Variants in DNAH8 observed in about 807,000 individuals in gnomAD.
The protein encoded by DNAH8 is dynein axonemal heavy chain 8, also known as axonemal beta dynein heavy chain 8.
DNAH8 carries 382 observed loss-of-function variants against 562.1 expected under a neutral mutation model. That is an observed-to-expected ratio of 0.68 (90% CI 0.63 to 0.74). DNAH8 has a LOEUF of 0.74. DNAH8 is among the 30% of genes least tolerant of loss of function. The pLI, the probability that DNAH8 is intolerant of heterozygous loss-of-function variation, is 0.00. For missense variants in DNAH8, 5,203 were observed against 5,620.4 expected (o/e 0.93, Z 2.37); for synonymous variants, 1,881 against 1,919.4 (o/e 0.98, Z 0.52).
In DNAH8 at chr6:39,030,200, G is replaced by A. The variant is rs1583598493; in HGVS notation, c.13932G>A (p.Thr4644=). 9 of 1,614,060 alleles carry A rather than the reference G, an allele frequency of 5.6e-6. No individual in the cohort carries two copies. In the East Asian group the frequency reaches 1.3e-4, roughly 24 times the overall value. ...LMESTPKVLF[T]QLPVLHIFAI... ...AATCCACCCCCAAGGTACTCTTCAC[G>A]CAGTTACCCGTGCTCCACATCTTTG... Residue 4644 remains threonine (T), a synonymous_variant, in exon 93 of 93, where the codon ACG becomes ACA. Coordinates refer to ENST00000327475, the MANE Select transcript of DNAH8 (RefSeq NM_001206927.2).
chr6:38,950,318 T>C (rs1172521665), intron 81 of DNAH8, among the ~76,000 whole-genome samples: 1 of 152,100 alleles, frequency 6.6e-6, no homozygotes, highest in East Asian at 1.9e-4. Context: ...CAATTTTTTC[T>C]TTTCTAATGT....
At chr6:38,998,505 A>G (rs1268969819) in intron 88 of DNAH8, among the ~76,000 whole-genome samples, 3 of 152,204 alleles carry the variant, frequency 2.0e-5, no homozygotes, top group East Asian at 3.8e-4. Context: ...ATTCATTTCA[A>G]TGCAATACAA....
chr6:38,902,770 C>A (rs968866156), intron 62 of DNAH8, among the ~76,000 whole-genome samples: 2 of 152,120 alleles, frequency 1.3e-5, no homozygotes, highest in African/African-American at 4.8e-5. Flanking sequence ...TTAAAGTATG[C>A]AGGATTGATA....
At chr6:38,720,639 A>G (rs778768974) in intron 1 of DNAH8, among the ~76,000 whole-genome samples, 21 of 152,270 alleles carry the variant, frequency 1.4e-4, no homozygotes, top group Non-Finnish European at 2.8e-4. Flanking sequence ...CCAGCCAGAC[A>G]GAGAAGACTG....
intron 82 of DNAH8, among the ~76,000 whole-genome samples, chr6:38,957,866 C>A (rs956503523): frequency 4.7e-3 from 356 of 75,556 alleles, no homozygotes; most frequent in East Asian, 7.7e-3. Flanking sequence ...ATGCCTACAC[C>A]AAAAAAAAAA....
intron 82 of DNAH8, among the ~76,000 whole-genome samples, chr6:38,968,502 G>A (rs1763125499): frequency 6.6e-6 from 1 of 152,120 alleles, no homozygotes; most frequent in African/African-American, 2.4e-5. Flanking sequence ...CAAGGAAGAT[G>A]TACAAATGGC....
At chr6:39,001,231 C>T (rs570006993) in intron 88 of DNAH8, among the ~76,000 whole-genome samples, 3 of 152,014 alleles carry the variant, frequency 2.0e-5, no homozygotes, top group African/African-American at 7.2e-5. Flanking sequence ...ACTCTACCTT[C>T]TACATGGCCA....
chr6:38,838,130 T>G (rs1298566600), intron 33 of DNAH8, 88 bp downstream of exon 33: 2 of 810,246 alleles, frequency 2.5e-6, no homozygotes, highest in Non-Finnish European at 4.0e-6. Flanking sequence ...TCCTTTATCA[T>G]GCAGAGGACA....
In DNAH8 at chr6:38,909,594, G is replaced by A. The variant is rs755880157; in HGVS notation, c.9590G>A (p.Arg3197His). The A allele has an allele frequency of 8.1e-6, 13 of 1,614,032 alleles. No homozygotes were observed. The East Asian group carries it at 8.9e-5, about 11-fold the overall frequency. Residue 3197 changes from arginine (R) to histidine (H), a missense_variant, in exon 65 of 93, where the codon CGC becomes CAC. This residue lies in a region of DNAH8 where 977 missense variants were observed against 1,061.8 expected (regional missense o/e 0.92). Transcript: ENST00000327475. Reference protein sequence around the residue: ...ISGCTMDWFSRWPREALIAVA... With the variant: ...ISGCTMDWFSHWPREALIAVA... ...GGTTGCACTATGGACTGGTTCAGCC[G>A]CTGGCCAAGGGAGGCTCTGATTGCT...
At chr6:38,763,090 A>G in intron 11 of DNAH8, 1 of 358,738 alleles carries the variant, frequency 2.8e-6, no homozygotes, top group Non-Finnish European at 5.4e-6. Flanking sequence ...CAGTGAACCA[A>G]TAAAAGAAAG....
At chr6:38,752,467 T>C (rs1765551598) in intron 9 of DNAH8, among the ~76,000 whole-genome samples, 1 of 152,262 alleles carries the variant, frequency 6.6e-6, no homozygotes, top group Non-Finnish European at 1.5e-5. Context: ...CCCAACACTT[T>C]CAAATTAATT....
chr6:39,000,210 G>C (rs1413947226), intron 88 of DNAH8, among the ~76,000 whole-genome samples: 3 of 152,198 alleles, frequency 2.0e-5, no homozygotes, highest in Non-Finnish European at 4.4e-5. Context: ...ATCTGTTGGG[G>C]AAGATGATGA....
In DNAH8 at chr6:38,853,174, A is replaced by G. The variant is rs1369468197; in HGVS notation, c.5572-12A>G. ...ATTATCAATTTATAATATCCTTGTA[A>G]TTTTGTTTTAGTTGGATAATTCTGT... On this transcript the variant is annotated splice_polypyrimidine_tract_variant and intron_variant, in intron 40 of 92. Coordinates refer to ENST00000327475, the MANE Select transcript of DNAH8 (RefSeq NM_001206927.2). 1 of 1,586,560 alleles carries G rather than the reference A, an allele frequency of 6.3e-7. No homozygotes were observed. Among genetic ancestry groups the G allele is most frequent in the Non-Finnish European group, 8.6e-7 (1 of 1,169,402 alleles).
chr6:38,725,132 G>T (rs1342252442), intron 3 of DNAH8, among the ~76,000 whole-genome samples: 1 of 151,776 alleles, frequency 6.6e-6, no homozygotes, highest in Non-Finnish European at 1.5e-5. Context: ...GTGAAACCCT[G>T]TCTCTACTAA....
At chr6:38,900,342 A>G (rs945689489) in intron 62 of DNAH8, among the ~76,000 whole-genome samples, 1 of 152,218 alleles carries the variant, frequency 6.6e-6, no homozygotes, top group African/African-American at 2.4e-5. Context: ...ATGATCTTCA[A>G]CTTAATCAGA....
chr6:38,994,694 C>A (rs1765022060), intron 88 of DNAH8, among the ~76,000 whole-genome samples: 1 of 141,162 alleles, frequency 7.1e-6, no homozygotes, highest in Admixed American at 7.6e-5. Flanking sequence ...GTTGCCCAGG[C>A]TGGAGTGCTG....
In DNAH8 at chr6:38,842,389, G is replaced by A. The variant is rs921357592; in HGVS notation, c.4488G>A (p.Gln1496=). 4.4e-6 allele frequency: 7 copies of A among 1,606,824 alleles called. No individual in the cohort carries two copies. The African/African-American group carries it at 8.0e-5, about 18-fold the overall frequency. The stretch of plus-strand genomic sequence containing the variant: ...CCAGAAAAGAACTCAACTTGCTGCA[G>A]AAGCTGTATGGATTGTATGACACCG... The part of the protein sequence containing the change: ...HKTRKELNLL[Q]KLYGLYDTVM... The change falls in exon 34 of 93, where the codon CAG becomes CAA. Residue 1496 remains glutamine, a synonymous_variant. Coordinates refer to ENST00000327475, the MANE Select transcript of DNAH8 (RefSeq NM_001206927.2).
intron 28 of DNAH8, among the ~76,000 whole-genome samples, chr6:38,824,891 T>C (rs1247912656): frequency 6.6e-6 from 1 of 152,140 alleles, no homozygotes; most frequent in Non-Finnish European, 1.5e-5. Flanking sequence ...GGGGGACTAT[T>C]TACCTGGAAA....
At chr6:38,855,359 C>T (rs549925238) in intron 41 of DNAH8, among the ~76,000 whole-genome samples, 2 of 151,854 alleles carry the variant, frequency 1.3e-5, no homozygotes, top group African/African-American at 2.4e-5. Flanking sequence ...ACGTGTATTC[C>T]GAAACTTAAA....
Sources: gnomAD v4.1 joint callset for allele counts (sites outside exome capture counted in the v4.1 genomes callset) on GRCh38, gnomAD v4.1.1 for gene constraint, gnomAD v4.1.1 regional missense constraint, MANE v1.5 for transcripts, NCBI Gene and HGNC (gene_info 2026-07-23, HGNC 2026-07-21) for gene names.